EDNRB: variants seen among roughly 807,000 people sequenced by gnomAD.
EDNRB encodes Hirschsprung disease 2.
Under a neutral mutation model 46.4 loss-of-function variants are expected in EDNRB, and 18 were observed. The observed-to-expected ratio is 0.39, with a 90% confidence interval of 0.27 to 0.57. The LOEUF is 0.57. EDNRB is among the 20% of genes least tolerant of loss of function. The probability of loss-of-function intolerance (pLI) is 0.61; values close to 1 mark genes in which losing one functional copy is unlikely to be tolerated. For missense variants in EDNRB, 434 were observed against 537.5 expected (o/e 0.81, Z 1.90); for synonymous variants, 213 against 204.9 (o/e 1.04, Z -0.34).
At chr13:77,944,186 A>G (rs1029907341) in intron 1 of EDNRB, among the ~76,000 whole-genome samples, 2 of 152,162 alleles carry the variant, frequency 1.3e-5, no homozygotes, top group African/African-American at 4.8e-5. Flanking sequence ...TTGTATGACC[A>G]GACATAAAGA....
At chr13:77,935,970 G>T (rs1403329450) in intron 1 of EDNRB, among the ~76,000 whole-genome samples, 1 of 152,200 alleles carries the variant, frequency 6.6e-6, no homozygotes, top group Non-Finnish European at 1.5e-5. Context: ...CAGGTAAAAT[G>T]GGGGAATTGT....
chr13:77,924,774 G>A (rs545831097), intron 1 of EDNRB, among the ~76,000 whole-genome samples: 66 of 152,214 alleles, frequency 4.3e-4, no homozygotes, highest in South Asian at 3.3e-3. Context: ...TGAATTATGG[G>A]GGCAGGTCTT....
chr13:77,933,490 T>C (rs961212877), intron 1 of EDNRB, among the ~76,000 whole-genome samples: 3 of 152,036 alleles, frequency 2.0e-5, no homozygotes, highest in Non-Finnish European at 2.9e-5. Context: ...CACAAGATAA[T>C]GTCATCAGTT....
chr13:77,926,896 A>G (rs918625788), intron 1 of EDNRB, among the ~76,000 whole-genome samples: 5 of 152,242 alleles, frequency 3.3e-5, no homozygotes, highest in South Asian at 2.1e-4. Context: ...CACTTCTTAC[A>G]TGGTGGCAGC....
Position 77,896,859 on chromosome 13 carries a change from A to G in EDNRB, c.*1341T>C, listed in dbSNP as rs201371254. ...CTAAGGCACTTTGCTTAGAAGATAT[A>G]AAAATTAGGCAGGAACGCACAAAGC... On this transcript the variant is annotated 3_prime_UTR_variant, in exon 7 of 7. Transcript: ENST00000646607. The G allele has an allele frequency of 3.8e-6, 4 of 1,039,880 alleles. No homozygotes were observed. Among genetic ancestry groups the G allele is most frequent in the Non-Finnish European group, 4.6e-6 (4 of 866,350 alleles). The allele number at this position is 1,039,880 out of a possible 1,614,324, so 64.4% of individuals were successfully genotyped here. A position where few individuals can be genotyped will look rare whatever the true frequency, so the allele number is the denominator to read the frequency against.
At chr13:77,936,790 C>A (rs879363781) in intron 1 of EDNRB, among the ~76,000 whole-genome samples, 5 of 152,336 alleles carry the variant, frequency 3.3e-5, no homozygotes, top group African/African-American at 1.2e-4. Context: ...GAAGCAAGAT[C>A]CTGATGGAGG....
At chr13:77,909,132 A>G (rs2137624251) in intron 1 of EDNRB, among the ~76,000 whole-genome samples, 1 of 152,166 alleles carries the variant, frequency 6.6e-6, no homozygotes. Flanking sequence ...CTAGATTGAA[A>G]AAAGGTGTGG....
chr13:77,957,810 G>A (rs184600061), intron 1 of EDNRB, among the ~76,000 whole-genome samples: 1 of 152,058 alleles, frequency 6.6e-6, no homozygotes, highest in Non-Finnish European at 1.5e-5. Context: ...CACGACTTTG[G>A]GTAATTTTGA....
Position 77,897,076 on chromosome 13 carries a change from T to A in EDNRB, c.*1124A>T, listed in dbSNP as rs1178331968. On this transcript the variant is annotated 3_prime_UTR_variant, in exon 7 of 7. Coordinates refer to ENST00000646607, the MANE Select transcript of EDNRB (RefSeq NM_001122659.3). ...TATTTTAACTATAGCATTATACATA[T>A]GCTAGAAACCATTTTAACCACAGCA... is the stretch of plus-strand genomic sequence containing the variant. 1 of 985,790 alleles carries A rather than the reference T, an allele frequency of 1.0e-6. No individual in the cohort carries two copies. The highest frequency in any genetic ancestry group is 6.1e-5 in the Admixed American group (1 of 16,262). 61.1% of individuals were successfully genotyped at this position (985,790 alleles called of 1,614,324 possible). A position where few individuals can be genotyped will look rare whatever the true frequency, so the allele number is the denominator to read the frequency against.
In EDNRB at chr13:77,903,244, A is replaced by T; in HGVS notation, c.713T>A (p.Ile238Lys). Reference protein sequence around the residue: ...VSVVLAVPEAIGFDIITMDYK... With the variant: ...VSVVLAVPEAKGFDIITMDYK... ...GTCCATCGTAATTATATCAAAACCT[A>T]TGGCTTCAGGGACAGCCAGAACCAC... Residue 238 changes from isoleucine (I) to lysine (K), a missense_variant, in exon 3 of 7, where the codon ATA becomes AAA. By Grantham distance (102) the Ile-to-Lys change is moderately radical (BLOSUM62 -3). Transcript: ENST00000646607. The T allele has an allele frequency of 6.2e-7, 1 of 1,613,092 alleles. No homozygotes were observed. The highest frequency in any genetic ancestry group is 8.5e-7 in the Non-Finnish European group (1 of 1,179,404).
chr13:77,952,913 G>C (rs1399172093), intron 1 of EDNRB, among the ~76,000 whole-genome samples: 1 of 152,140 alleles, frequency 6.6e-6, no homozygotes, highest in East Asian at 1.9e-4. Context: ...TATGGAAAGC[G>C]TTGTACAAGG....
chr13:77,955,557 A>G (rs972425574), intron 1 of EDNRB, among the ~76,000 whole-genome samples: 6 of 152,092 alleles, frequency 3.9e-5, no homozygotes, highest in African/African-American at 1.2e-4. Flanking sequence ...TCAATTGTCC[A>G]TCATCAAGAA....
rs144316787 is a variant in EDNRB at position 77,969,705 on chromosome 13, A to C, written c.-52+5642T>G. 9.1e-4 allele frequency among the ~76,000 whole-genome samples: 138 copies of C among 152,312 alleles called. 4 individuals carry two copies. The East Asian group carries it at 0.023, about 26-fold the overall frequency. The stretch of plus-strand genomic sequence containing the variant: ...CGCCTGCACCATTTTCATTTTATTC[A>C]GTAGGGATAATGTGCTTATGACTGG... On this transcript the variant is annotated intron_variant, in intron 1 of 7. Transcript: ENST00000646948.
chr13:77,927,856 G>A (rs1027864905), intron 1 of EDNRB, among the ~76,000 whole-genome samples: 1 of 152,140 alleles, frequency 6.6e-6, no homozygotes, highest in African/African-American at 2.4e-5. Context: ...TGCATGAGAG[G>A]GACCTGGTGT....
chr13:77,902,214 T>A (rs1317920042), intron 3 of EDNRB, among the ~76,000 whole-genome samples: 3 of 151,958 alleles, frequency 2.0e-5, no homozygotes, highest in Admixed American at 2.0e-4. Context: ...TATCTGAATA[T>A]TTGCTGGACC....
At chr13:77,898,769 A>G (rs1878773498) in intron 6 of EDNRB, among the ~76,000 whole-genome samples, 1 of 151,962 alleles carries the variant, frequency 6.6e-6, no homozygotes, top group South Asian at 2.1e-4. Context: ...ATACTCCATA[A>G]CCTTGTAGAT....
At chr13:77,940,528 G>A (rs2137664082) in intron 1 of EDNRB, among the ~76,000 whole-genome samples, 1 of 147,962 alleles carries the variant, frequency 6.8e-6, no homozygotes, top group Middle Eastern at 3.4e-3. Flanking sequence ...TGGAGTTTTA[G>A]TGCAATAAGT....
chr13:77,953,835 A>G (rs1259783701), intron 1 of EDNRB, among the ~76,000 whole-genome samples: 3 of 152,196 alleles, frequency 2.0e-5, no homozygotes, highest in African/African-American at 7.2e-5. Context: ...TGGACAGGAC[A>G]GATAGAAGTA....
chr13:77,939,118 T>A (rs1267122518), intron 1 of EDNRB: 1 of 151,832 alleles, frequency 6.6e-6, no homozygotes, highest in East Asian at 1.9e-4. Flanking sequence ...TTATAAGATT[T>A]GGGTAGGTAA....
Sources: allele counts gnomAD v4.1 joint callset (sites outside exome capture counted in the v4.1 genomes callset), GRCh38; gene constraint gnomAD v4.1.1; transcripts MANE v1.5; gene names NCBI Gene and HGNC (gene_info 2026-07-23, HGNC 2026-07-21).